The following CPE variants were observed in gnomAD, a reference collection of about 807,000 sequenced individuals.
CPE encodes the protein carbocypeptidase E.
Under a neutral mutation model 53.5 loss-of-function variants are expected in CPE, and 17 were observed. The observed-to-expected ratio is 0.32, with a 90% CI of 0.22 to 0.48. CPE has a LOEUF of 0.48. Among genes scored for constraint, CPE ranks in the 20% least tolerant of loss-of-function variants. CPE has a pLI of 0.99. For synonymous variants in CPE, 226 were observed against 228.8 expected, an observed-to-expected ratio of 0.99 and a Z score of 0.11; for missense variants, 524 against 614.7, an observed-to-expected ratio of 0.85 and a Z score of 1.56.
At chr4:165,433,443 C>G (rs1192046335) in intron 1 of CPE, among the ~76,000 whole-genome samples, 1 of 152,168 alleles carries the variant, frequency 6.6e-6, no homozygotes, top group Non-Finnish European at 1.5e-5. Context: ...ATAGTGATTA[C>G]TGAACAGACT....
At chr4:165,429,429 G>A (rs1731372511) in intron 1 of CPE, among the ~76,000 whole-genome samples, 1 of 152,148 alleles carries the variant, frequency 6.6e-6, no homozygotes. Context: ...ATTGCTGGGT[G>A]CGGTGGCTCA....
chr4:165,452,112 A>G (rs796246942), intron 1 of CPE, among the ~76,000 whole-genome samples: 22 of 152,206 alleles, frequency 1.4e-4, no homozygotes, highest in African/African-American at 4.3e-4. Flanking sequence ...AGTGGATCTC[A>G]CAGAAGGAGA....
chr4:165,491,329 G>A (rs1461674387), intron 6 of CPE, among the ~76,000 whole-genome samples: 2 of 152,168 alleles, frequency 1.3e-5, no homozygotes, highest in Non-Finnish European at 2.9e-5. Flanking sequence ...ATAATTTCAG[G>A]ATTATAGTGC....
intron 1 of CPE, among the ~76,000 whole-genome samples, chr4:165,429,037 T>G (rs188471135): frequency 6.6e-6 from 1 of 152,362 alleles, no homozygotes; most frequent in Admixed American, 6.5e-5. Flanking sequence ...TGTGTCACTC[T>G]CCTGTCCTGT....
Position 165,422,111 on chromosome 4 carries a change from CT to C in CPE, c.308-42277del, listed in dbSNP as rs1560876851. On this transcript the variant is annotated intron_variant, in intron 1 of 8. Transcript: ENST00000402744. ...GAAGTTTATTCAATGATTAAAAGAA[CT>C]TAAAAATAAAGAACTTATTTGTGTA... is the stretch of plus-strand genomic sequence containing the variant. Among the ~76,000 whole-genome samples the C allele has an allele frequency of 2.6e-5, 4 of 152,154 alleles. No homozygotes were observed. The East Asian group carries it at 7.7e-4, about 29-fold the overall frequency.
At chr4:165,462,550 C>T (rs1732026807) in intron 1 of CPE, among the ~76,000 whole-genome samples, 1 of 152,156 alleles carries the variant, frequency 6.6e-6, no homozygotes, top group Non-Finnish European at 1.5e-5. Flanking sequence ...TAATGGGCTG[C>T]AGCAGTTTCT....
At chr4:165,487,667 C>A (rs191309023) in intron 6 of CPE, 90 bp downstream of exon 6, 5 of 1,413,360 alleles carry the variant, frequency 3.5e-6, no homozygotes, top group Non-Finnish European at 2.9e-6. Context: ...CAGGAGAATC[C>A]GTCTGGTGCA....
chr4:165,488,043 A>G (rs1732538830), intron 6 of CPE, among the ~76,000 whole-genome samples: 1 of 152,160 alleles, frequency 6.6e-6, no homozygotes, highest in African/African-American at 2.4e-5. Flanking sequence ...TTCTCACCCT[A>G]GACTCAACTG....
intron 1 of CPE, among the ~76,000 whole-genome samples, chr4:165,380,656 C>T (rs144728732): frequency 4.6e-5 from 7 of 152,084 alleles, no homozygotes; most frequent in Admixed American, 2.0e-4. Flanking sequence ...TATAATGATA[C>T]GTAAGAACCA....
chr4:165,464,557 C>T lies in CPE; in HGVS notation c.475C>T (p.Pro159Ser), dbSNP rs749958632. 1 of 1,612,306 alleles carries T rather than the reference C, an allele frequency of 6.2e-7. No individual in the cohort carries two copies. Among genetic ancestry groups the T allele is most frequent in the Non-Finnish European group, 8.5e-7 (1 of 1,179,048 alleles). The change falls in exon 2 of 9, where the codon CCA becomes TCA. Residue 159 changes from proline to serine, a missense_variant. Transcript: ENST00000402744. Reference sequence around the variant, plus strand: ...CATTCACATCATGCCTTCCCTGAACCCAGATGGCTTTGAGAAGGCAGCGTC... The same window carrying T: ...CATTCACATCATGCCTTCCCTGAACTCAGATGGCTTTGAGAAGGCAGCGTC... ...TRIHIMPSLN[P>S]DGFEKAASQP...
chr4:165,408,044 G>T (rs1443476085), intron 1 of CPE, among the ~76,000 whole-genome samples: 2 of 152,000 alleles, frequency 1.3e-5, no homozygotes, highest in Non-Finnish European at 2.9e-5. Context: ...AGCTCCCTAC[G>T]TATCCTGGAA....
chr4:165,389,756 T>C (rs1730650599), intron 1 of CPE, among the ~76,000 whole-genome samples: 1 of 152,228 alleles, frequency 6.6e-6, no homozygotes, highest in Non-Finnish European at 1.5e-5. Context: ...AATGAACAAG[T>C]CCAAACATCT....
intron 1 of CPE, among the ~76,000 whole-genome samples, chr4:165,443,130 A>G (rs966374419): frequency 7.9e-5 from 12 of 152,148 alleles, no homozygotes; most frequent in African/African-American, 2.7e-4. Context: ...ATCATTTTTG[A>G]GGGTTCCCTG....
chr4:165,464,643 C>CATGT, intron 2 of CPE, 57 bp downstream of exon 2: 2 of 1,422,806 alleles, frequency 1.4e-6, no homozygotes, highest in Non-Finnish European at 1.9e-6. Context: ...TATGTTTGTA[C>CATGT]ATACATGTTT....
At chr4:165,478,504 A>G (rs1279456219) in intron 3 of CPE, among the ~76,000 whole-genome samples, 1 of 152,222 alleles carries the variant, frequency 6.6e-6, no homozygotes, top group Non-Finnish European at 1.5e-5. Flanking sequence ...TTAGGGCTGT[A>G]TCTTTCAATT....
Position 165,379,030 on chromosome 4 carries a change from C to G in CPE, c.-192C>G, listed in dbSNP as rs1461155502. ...GCCAGTAGTGCAGCCCGTGGAGCCG[C>G]GGCTTTGCCCGTCTCCTCTGGGTGG... On this transcript the variant is annotated 5_prime_UTR_variant, in exon 1 of 9. Transcript: ENST00000402744. This position sits in a 1 kb window ranked among gnomAD's most constrained non-coding sequence, Gnocchi z 6.0. 2 of 411,582 alleles carry G rather than the reference C, an allele frequency of 4.9e-6. No individual in the cohort carries two copies. The highest frequency in any genetic ancestry group is 4.2e-5 in the African/African-American group (2 of 47,732). 25.5% of individuals were successfully genotyped at this position (411,582 alleles called of 1,614,324 possible). A position where few individuals can be genotyped will look rare whatever the true frequency, so the allele number is the denominator to read the frequency against.
intron 1 of CPE, among the ~76,000 whole-genome samples, chr4:165,382,622 A>G (rs1730520877): frequency 1.3e-5 from 2 of 152,314 alleles, no homozygotes; most frequent in Admixed American, 1.3e-4. Context: ...AAGAACTCCA[A>G]GAAAATACAA....
Position 165,443,280 on chromosome 4 carries a change from C to T in CPE, c.308-21110C>T, listed in dbSNP as rs535270014. Reference sequence around the variant, plus strand: ...CTTCTCTGTCTCCTCTCCTTCTCATCTCCCTATTCCAACATCCTATCAAAT... The same window carrying T: ...CTTCTCTGTCTCCTCTCCTTCTCATTTCCCTATTCCAACATCCTATCAAAT... On this transcript the variant is annotated intron_variant, in intron 1 of 8. Coordinates refer to ENST00000402744, the MANE Select transcript of CPE (RefSeq NM_001873.4). Among the ~76,000 whole-genome samples the T allele has an allele frequency of 6.6e-4, 101 of 152,284 alleles. 1 individual carries two copies. The highest frequency in any genetic ancestry group is 2.3e-3 in the African/African-American group (94 of 41,560).
intron 1 of CPE, among the ~76,000 whole-genome samples, chr4:165,414,858 T>C (rs1359916286): frequency 6.6e-6 from 1 of 152,196 alleles, no homozygotes; most frequent in East Asian, 1.9e-4. Flanking sequence ...GTTATTGTCT[T>C]AGGATATATT....
Sources: gnomAD v4.1 joint callset for allele counts (sites outside exome capture counted in the v4.1 genomes callset) on GRCh38, gnomAD v4.1.1 for gene constraint, Gnocchi (gnomAD v3.1) non-coding constraint, MANE v1.5 for transcripts, NCBI Gene and HGNC (gene_info 2026-07-23, HGNC 2026-07-21) for gene names.